Variants in ACAD10 observed in about 807,000 individuals in gnomAD.
The protein encoded by ACAD10 is acyl-CoA dehydrogenase family member 10, also known as ACAD-10.
In ACAD10, 112 loss-of-function variants were observed where a neutral mutation model predicts 116.8. That is an observed-to-expected ratio of 0.96 (90% CI 0.82 to 1.12). The LOEUF is 1.12. Among genes scored for constraint, ACAD10 ranks in the 50% most tolerant of loss-of-function variants. The pLI is 0.00. For synonymous variants in ACAD10, 486 were observed against 510.6 expected, an observed-to-expected ratio of 0.95 and a Z score of 0.65; for missense variants, 1,259 against 1,350.2, an observed-to-expected ratio of 0.93 and a Z score of 1.06.
intron 2 of ACAD10, among the ~76,000 whole-genome samples, chr12:111,695,466 C>T (rs528304107): frequency 2.0e-5 from 3 of 152,208 alleles, no homozygotes; most frequent in Middle Eastern, 3.4e-3. Flanking sequence ...TCACCTTCAC[C>T]GAGATATTTT....
chr12:111,690,391 G>A (rs1169444773), intron 1 of ACAD10: 1 of 152,016 alleles, frequency 6.6e-6, no homozygotes, highest in African/African-American at 2.4e-5. Flanking sequence ...CTTACGTGTG[G>A]AATTTTTCAT....
At chr12:111,714,701 TTTAAA>T (rs1045358406) in intron 6 of ACAD10, among the ~76,000 whole-genome samples, 1 of 151,926 alleles carries the variant, frequency 6.6e-6, no homozygotes, top group Non-Finnish European at 1.5e-5. Flanking sequence ...TACAAAATTT[TTTAAA>T]TTAAATTAAA....
At chr12:111,736,805 C>T in intron 11 of ACAD10, 26 bp from the exon 12 acceptor site, 2 of 1,603,206 alleles carry the variant, frequency 1.2e-6, no homozygotes, top group Non-Finnish European at 1.7e-6. Context: ...AGTGACTACC[C>T]ATGAATGGCT....
In ACAD10 at chr12:111,741,896, C is replaced by T. The variant is rs552843771; in HGVS notation, c.1715-2747C>T. 7.9e-5 allele frequency among the ~76,000 whole-genome samples: 12 copies of T among 152,254 alleles called. No homozygotes were observed. The East Asian group carries it at 1.2e-3, about 15-fold the overall frequency. Reference sequence around the variant, plus strand: ...GACATTCTCTCTATGGTGTCATTTACAAAAGACTTCAAATCAGCATTAGAT... The same window carrying T: ...GACATTCTCTCTATGGTGTCATTTATAAAAGACTTCAAATCAGCATTAGAT... On this transcript the variant is annotated intron_variant, in intron 12 of 20. Transcript: ENST00000313698.
intron 5 of ACAD10, among the ~76,000 whole-genome samples, chr12:111,710,753 C>T (rs1288760460): frequency 6.6e-6 from 1 of 152,096 alleles, no homozygotes; most frequent in African/African-American, 2.4e-5. Flanking sequence ...CCTCGCCTCC[C>T]AAAGATTCAC....
Position 111,753,754 on chromosome 12 carries a change from C to G in ACAD10, c.2818-18C>G, listed in dbSNP as rs780203721. On this transcript the variant is annotated intron_variant, in intron 18 of 20. Transcript: ENST00000313698. Reference sequence around the variant, plus strand: ...CCAGCCCAGCATGTCCTCAGCCGCACATCTCCTGTGTCGACAGGTGAAGTC... The same window carrying G: ...CCAGCCCAGCATGTCCTCAGCCGCAGATCTCCTGTGTCGACAGGTGAAGTC... The G allele has an allele frequency of 1.5e-5, 25 of 1,613,680 alleles. No individual in the cohort carries two copies. Among genetic ancestry groups the G allele is most frequent in the Non-Finnish European group, 2.0e-5 (24 of 1,180,000 alleles).
intron 3 of ACAD10, among the ~76,000 whole-genome samples, chr12:111,703,272 G>A (rs1888403013): frequency 6.6e-6 from 1 of 152,040 alleles, no homozygotes; most frequent in Admixed American, 6.6e-5. Flanking sequence ...GCACCTCCAT[G>A]CATTCAGCAA....
intron 13 of ACAD10, 119 bp downstream of exon 13, chr12:111,745,162 T>A: frequency 8.7e-7 from 1 of 1,150,184 alleles, no homozygotes; most frequent in Non-Finnish European, 1.2e-6. Flanking sequence ...AGTTGAATGA[T>A]CTTTGCTTCC....
Position 111,715,874 on chromosome 12 carries a change from A to T in ACAD10, c.904A>T (p.Ile302Phe). Residue 302 changes from isoleucine (I) to phenylalanine (F), a missense_variant, in exon 7 of 21, where the codon ATC (isoleucine) becomes TTC (phenylalanine). Coordinates refer to ENST00000313698, the MANE Select transcript of ACAD10 (RefSeq NM_025247.6). ...CGGGCAGTCAAATCCAACTTACTAC[A>T]TCAGGCTGGCTAATCGTGATCTAGT... is the stretch of plus-strand genomic sequence containing the variant. ...DHGQSNPTYY[I>F]RLANRDLVLR... is the part of the protein sequence containing the mutation. 1 of 1,614,112 alleles carries T rather than the reference A, an allele frequency of 6.2e-7. No individual in the cohort carries two copies. The highest frequency in any genetic ancestry group is 8.5e-7 in the Non-Finnish European group (1 of 1,180,028).
At chr12:111,745,066 G>A in intron 13 of ACAD10, 23 bp downstream of exon 13, 1 of 1,602,816 alleles carries the variant, frequency 6.2e-7, no homozygotes, top group East Asian at 2.2e-5. Context: ...TGGTGAGGTG[G>A]TAAGACCCCA....
At chr12:111,724,842 GGAGAGGGAGACCGTGGAAA>G in intron 8 of ACAD10, among the ~76,000 whole-genome samples, 15 of 150,182 alleles carry the variant, frequency 1.0e-4, no homozygotes, top group Non-Finnish European at 1.8e-4. Context: ...GGAAAGAGAG[GGAGAGGGAGACCGTGGAAA>G]GAGAGGGAGA....
At chr12:111,712,755 A>G in intron 6 of ACAD10, 98 bp downstream of exon 6, 2 of 1,377,986 alleles carry the variant, frequency 1.5e-6, no homozygotes, top group Admixed American at 4.1e-5. Flanking sequence ...CTGGAGACAA[A>G]GAAGCTTTAC....
At chr12:111,751,047 G>C (rs1890059916) in intron 18 of ACAD10, among the ~76,000 whole-genome samples, 1 of 152,178 alleles carries the variant, frequency 6.6e-6, no homozygotes, top group Admixed American at 6.5e-5. Context: ...GACTGAATGA[G>C]TCAGACAGAA....
rs778104430 is a variant in ACAD10 at position 111,748,476 on chromosome 12, G to C, written c.2644+1G>C. Reference sequence around the variant, plus strand: ...GTGTATGGACTGGAAGATGCACCAGGTGAGACCTCCAGGGGCGGGTCACCC... The same window carrying C: ...GTGTATGGACTGGAAGATGCACCAGCTGAGACCTCCAGGGGCGGGTCACCC... On this transcript the variant is annotated splice_donor_variant, in intron 17 of 20. Transcript: ENST00000313698. LOFTEE classifies it high-confidence loss of function. The C allele has an allele frequency of 6.2e-7, 1 of 1,613,016 alleles. No homozygotes were observed. Among genetic ancestry groups the C allele is most frequent in the East Asian group, 2.2e-5 (1 of 44,890 alleles).
intron 1 of ACAD10, among the ~76,000 whole-genome samples, chr12:111,691,323 C>T (rs865790111): frequency 5.9e-5 from 9 of 151,914 alleles, no homozygotes; most frequent in Admixed American, 1.3e-4. Context: ...AGGGTGTCAT[C>T]GTAAGTGCTA....
chr12:111,727,957 C>T lies in ACAD10; in HGVS notation c.1062-5C>T. 1 of 1,606,640 alleles carries T rather than the reference C, an allele frequency of 6.2e-7. No individual in the cohort carries two copies. On this transcript the variant is annotated splice_region_variant and splice_polypyrimidine_tract_variant and intron_variant, in intron 8 of 20. Transcript: ENST00000313698. ...TCCCTGAAACCCCTTCTGTGTTCCTCCCAGTGTCATTGGCACCCCCTTCTA... is the reference window on the plus strand; with the variant it reads ...TCCCTGAAACCCCTTCTGTGTTCCTTCCAGTGTCATTGGCACCCCCTTCTA...
chr12:111,743,216 G>A (rs1388872745), intron 12 of ACAD10, among the ~76,000 whole-genome samples: 1 of 152,090 alleles, frequency 6.6e-6, no homozygotes, highest in East Asian at 1.9e-4. Flanking sequence ...AGGCCATACT[G>A]AAAAGGCCAC....
intron 10 of ACAD10, among the ~76,000 whole-genome samples, chr12:111,732,496 C>T (rs1246203440): frequency 1.3e-5 from 2 of 152,158 alleles, no homozygotes; most frequent in Non-Finnish European, 2.9e-5. Flanking sequence ...CAGTAAATCT[C>T]ATTTTTAAAA....
chr12:111,748,122 C>A (rs958039232), intron 16 of ACAD10, among the ~76,000 whole-genome samples, 195 bp from the exon 17 acceptor site: 1 of 152,200 alleles, frequency 6.6e-6, no homozygotes, highest in African/African-American at 2.4e-5. Flanking sequence ...ATGTTGGATT[C>A]ATTCCTCACT....
Sources: gnomAD v4.1 joint callset for allele counts (sites outside exome capture counted in the v4.1 genomes callset) on GRCh38, gnomAD v4.1.1 for gene constraint, MANE v1.5 for transcripts, NCBI Gene and HGNC (gene_info 2026-07-23, HGNC 2026-07-21) for gene names.